CYFIP1: variants seen among roughly 807,000 people sequenced by gnomAD.
The protein encoded by CYFIP1 is cytoplasmic FMR1 interacting protein 1.
CYFIP1 carries 58 observed loss-of-function variants against 163.5 expected under a neutral mutation model. That is an observed-to-expected ratio of 0.35 (90% CI 0.29 to 0.44). The LOEUF (loss-of-function observed/expected upper bound fraction) is 0.44. Ranked by LOEUF, CYFIP1 falls within the 20% of genes least tolerant of loss-of-function variation. The probability of loss-of-function intolerance (pLI) is 1.00; values close to 1 mark genes in which losing one functional copy is unlikely to be tolerated. For synonymous variants in CYFIP1, 663 were observed against 660.7 expected (o/e 1.00, Z -0.05); for missense variants, 1,338 against 1,653.8 (o/e 0.81, Z 3.31).
chr15:22,947,278 G>A lies in CYFIP1; in HGVS notation c.8C>T (p.Ala3Val), dbSNP rs2062093797. The part of the protein sequence containing the change: MA[A>V]QVTLEDALSN... Reference sequence around the variant, plus strand: ...CAGCGCGTCCTCCAGAGTCACCTGGGCCGCCATCCTGGGCTGGAACAACAC... The same window carrying A: ...CAGCGCGTCCTCCAGAGTCACCTGGACCGCCATCCTGGGCTGGAACAACAC... Residue 3 changes from alanine to valine, a missense_variant, in exon 2 of 31, where the codon GCC (alanine) becomes GTC (valine). Physicochemically the swap from Ala to Val is moderately conservative, Grantham distance 64. This residue lies in a region of CYFIP1 where 186 missense variants were observed against 288.3 expected (regional missense o/e 0.65). Coordinates refer to ENST00000617928, the MANE Select transcript of CYFIP1 (RefSeq NM_014608.6). The A allele has an allele frequency of 6.2e-7, 1 of 1,613,690 alleles. No individual in the cohort carries two copies. The highest frequency in any genetic ancestry group is 1.1e-5 in the South Asian group (1 of 91,074).
In CYFIP1 at chr15:22,867,490, A is replaced by T; in HGVS notation, c.*2538T>A. The T allele has an allele frequency of 3.3e-6, 1 of 304,270 alleles. No individual in the cohort carries two copies. The allele number at this position is 304,270 out of a possible 1,614,324, so 18.8% of individuals were successfully genotyped here. A position where few individuals can be genotyped will look rare whatever the true frequency, so the allele number is the denominator to read the frequency against. On this transcript the variant is annotated 3_prime_UTR_variant, in exon 31 of 31. Coordinates refer to ENST00000617928, the MANE Select transcript of CYFIP1 (RefSeq NM_014608.6). ...GAGCATTCGATGGCCTTAGCACCTCATCAAGCCAGCACATCCTGCCTGCTG... is the reference window on the plus strand; with the variant it reads ...GAGCATTCGATGGCCTTAGCACCTCTTCAAGCCAGCACATCCTGCCTGCTG...
chr15:22,905,754 T>TG lies in CYFIP1; in HGVS notation c.2389-1850dup, dbSNP rs397698599. Among the ~76,000 whole-genome samples the TG allele has an allele frequency of 1.2e-4, 14 of 117,746 alleles. No individual in the cohort carries two copies. In the South Asian group the frequency reaches 2.4e-3, roughly 20 times the overall value. 77.2% of individuals were successfully genotyped at this position (117,746 alleles called of 152,430 possible). ...AGTGCCCAGCCTTCATTCTTATTTC[T>TG]GTTTTTTTTTTTGTTTTTGTTTTGA... On this transcript the variant is annotated intron_variant, in intron 21 of 30. Coordinates refer to ENST00000617928, the MANE Select transcript of CYFIP1 (RefSeq NM_014608.6).
Position 22,878,865 on chromosome 15 carries a change from A to G in CYFIP1, c.3042+1048T>C, listed in dbSNP as rs554670947. On this transcript the variant is annotated intron_variant, in intron 26 of 30. Coordinates refer to ENST00000617928, the MANE Select transcript of CYFIP1 (RefSeq NM_014608.6). ...AAAATAGGCAAAAGAGGCCGGGCGC[A>G]GTGGCTCACGCCTGTAATCCCAGCA... Among the ~76,000 whole-genome samples, 20 of 152,310 alleles carry G rather than the reference A, an allele frequency of 1.3e-4. No homozygotes were observed. In the East Asian group the frequency reaches 2.5e-3, roughly 19 times the overall value.
chr15:22,889,001 C>T (rs1222356555), intron 23 of CYFIP1, among the ~76,000 whole-genome samples: 7 of 151,310 alleles, frequency 4.6e-5, no homozygotes, highest in African/African-American at 1.7e-4. Flanking sequence ...GGCAAGATCA[C>T]ACCACTGTAC....
intron 22 of CYFIP1, among the ~76,000 whole-genome samples, chr15:22,898,177 C>G (rs73410362): frequency 6.6e-6 from 1 of 152,172 alleles, no homozygotes; most frequent in African/African-American, 2.4e-5. Flanking sequence ...CTGATCCATA[C>G]GTCCTGTCCA....
rs557902683 is a variant in CYFIP1, at chr15:22,978,224, T to C, written c.-7+2063A>G. On this transcript the variant is annotated intron_variant, in intron 1 of 30. Transcript: ENST00000617928. ...AAAATTAGCCGGGTGTGGTGGTGCG[T>C]GCCTGTAATCCCAGCTACTCAGGGG... is the stretch of plus-strand genomic sequence containing the variant. Among the ~76,000 whole-genome samples the C allele has an allele frequency of 3.3e-4, 50 of 151,290 alleles. 2 individuals carry two copies. The South Asian group carries it at 9.6e-3, about 29-fold the overall frequency.
At chr15:22,954,835 G>A (rs1204357199) in intron 1 of CYFIP1, among the ~76,000 whole-genome samples, 2 of 152,182 alleles carry the variant, frequency 1.3e-5, no homozygotes, top group African/African-American at 4.8e-5. Flanking sequence ...TTTCAAAGGA[G>A]GACATCATCA....
chr15:22,963,998 G>A (rs907407076), intron 1 of CYFIP1, among the ~76,000 whole-genome samples: 1 of 152,034 alleles, frequency 6.6e-6, no homozygotes, highest in African/African-American at 2.4e-5. Flanking sequence ...AATTTATTAT[G>A]AGACAGAAAC....
At position 22,927,890 on chromosome 15, in the gene CYFIP1, C is replaced by G. The variant is rs770167325; in HGVS notation, c.1233+16G>C. 2 of 1,589,896 alleles carry G rather than the reference C, an allele frequency of 1.3e-6. No homozygotes were observed. The highest frequency in any genetic ancestry group is 2.3e-5 in the East Asian group (1 of 42,966). ...GGCAGCTTTGGAGCGGGGCTGGGGT[C>G]GGGGACGGGGCCTACCACTTCCATC... is the stretch of plus-strand genomic sequence containing the variant. On this transcript the variant is annotated intron_variant, in intron 12 of 30. Coordinates refer to ENST00000617928, the MANE Select transcript of CYFIP1 (RefSeq NM_014608.6).
At position 22,963,185 on chromosome 15, in the gene CYFIP1, T is replaced by A. The variant is rs370871481; in HGVS notation, c.-6-15894A>T. ...TTGTCCTATTTTTATTTTTGCAATG[T>A]TTTGTATAAGTTTGAAGTTATTTAA... is the stretch of plus-strand genomic sequence containing the variant. On this transcript the variant is annotated intron_variant, in intron 1 of 30. Coordinates refer to ENST00000617928, the MANE Select transcript of CYFIP1 (RefSeq NM_014608.6). Among the ~76,000 whole-genome samples the A allele has an allele frequency of 3.9e-5, 6 of 152,274 alleles. No homozygotes were observed. The East Asian group carries it at 1.2e-3, about 29-fold the overall frequency.
chr15:22,928,447 A>G (rs1441780104), intron 11 of CYFIP1, among the ~76,000 whole-genome samples: 1 of 151,930 alleles, frequency 6.6e-6, no homozygotes, highest in Non-Finnish European at 1.5e-5. Flanking sequence ...AGAAAATAAG[A>G]AATGCTGTGG....
At chr15:22,967,335 T>C (rs1595727241) in intron 1 of CYFIP1, among the ~76,000 whole-genome samples, 1 of 152,196 alleles carries the variant, frequency 6.6e-6, no homozygotes, top group East Asian at 1.9e-4. Flanking sequence ...TCAGGACAGG[T>C]GACTTCAGAG....
intron 26 of CYFIP1, among the ~76,000 whole-genome samples, chr15:22,879,220 C>T (rs936981131): frequency 4.6e-5 from 7 of 152,006 alleles, no homozygotes; most frequent in Non-Finnish European, 8.8e-5. Flanking sequence ...ACGCAACGAA[C>T]GAAGAGATGC....
Position 22,892,871 on chromosome 15 carries a change from C to G in CYFIP1, c.2676+19G>C. On this transcript the variant is annotated intron_variant, in intron 23 of 30. Coordinates refer to ENST00000617928, the MANE Select transcript of CYFIP1 (RefSeq NM_014608.6). ...CATTATGAGCTTCAAGCTCGTAACACGAACACATTGGAGCCTACCTTGGAT... is the reference window on the plus strand; with the variant it reads ...CATTATGAGCTTCAAGCTCGTAACAGGAACACATTGGAGCCTACCTTGGAT... 3 of 1,587,972 alleles carry G rather than the reference C, an allele frequency of 1.9e-6. 1 individual carries two copies. The highest frequency in any genetic ancestry group is 8.6e-7 in the Non-Finnish European group (1 of 1,157,796).
intron 25 of CYFIP1, 67 bp downstream of exon 25, chr15:22,881,779 T>A: frequency 6.8e-7 from 1 of 1,470,726 alleles, no homozygotes; most frequent in Non-Finnish European, 9.3e-7. Context: ...TCTCAAGAAT[T>A]TCTGACTTGA....
At chr15:22,937,417 G>A (rs574966431) in intron 8 of CYFIP1, among the ~76,000 whole-genome samples, 1 of 152,052 alleles carries the variant, frequency 6.6e-6, no homozygotes, top group East Asian at 1.9e-4. Flanking sequence ...GGGCTTCCAG[G>A]TCAGTCGCTA....
At chr15:22,947,764 G>C in intron 1 of CYFIP1, 1 of 203,386 alleles carries the variant, frequency 4.9e-6, no homozygotes, top group Non-Finnish European at 8.9e-6. Context: ...TGGAAAAGAC[G>C]AGCGCCCTGC....
chr15:22,927,410 G>A (rs898740813), intron 12 of CYFIP1, among the ~76,000 whole-genome samples: 1 of 149,438 alleles, frequency 6.7e-6, no homozygotes, highest in African/African-American at 2.5e-5. Context: ...TTGAACCCAG[G>A]AGGCAGAGGT....
intron 22 of CYFIP1, among the ~76,000 whole-genome samples, chr15:22,901,638 C>A (rs1405579076): frequency 6.6e-6 from 1 of 152,212 alleles, no homozygotes; most frequent in African/African-American, 2.4e-5. Context: ...AGTCGCAGAC[C>A]ACCTAGGTCA....
Sources: gnomAD v4.1 joint callset for allele counts (sites outside exome capture counted in the v4.1 genomes callset) on GRCh38, gnomAD v4.1.1 for gene constraint, gnomAD v4.1.1 regional missense constraint, MANE v1.5 for transcripts, NCBI Gene and HGNC (gene_info 2026-07-23, HGNC 2026-07-21) for gene names.